The following TRAPPC3L variants were observed in gnomAD, a reference collection of about 807,000 sequenced individuals.
The protein encoded by TRAPPC3L is trafficking protein particle complex subunit 3L.
A neutral mutation model predicts 23.7 loss-of-function variants in TRAPPC3L; 23 were observed. The observed-to-expected ratio is 0.97, with a 90% CI of 0.70 to 1.37. The LOEUF is 1.37. TRAPPC3L is among the 40% of genes most tolerant of loss of function. The pLI, the probability that TRAPPC3L is intolerant of heterozygous loss-of-function variation, is 0.00. For synonymous variants in TRAPPC3L, 81 were observed against 77.9 expected (o/e 1.04, Z -0.21); for missense variants, 212 against 216.8 (o/e 0.98, Z 0.14).
At chr6:116,511,106 GTATA>G (rs59896067) in intron 3 of TRAPPC3L, among the ~76,000 whole-genome samples, 89 of 140,858 alleles carry the variant, frequency 6.3e-4, no homozygotes, top group African/African-American at 2.3e-3. Flanking sequence ...ATATATATAT[GTATA>G]TATATATATA....
intron 3 of TRAPPC3L, chr6:116,515,815 T>C: frequency 6.2e-7 from 1 of 1,613,962 alleles, no homozygotes; most frequent in Non-Finnish European, 8.5e-7. Flanking sequence ...AGAGGCCAGA[T>C]CCTTTTCCCA....
chr6:116,525,681 C>T (rs188854341), intron 3 of TRAPPC3L, among the ~76,000 whole-genome samples: 48 of 152,324 alleles, frequency 3.2e-4, no homozygotes, highest in African/African-American at 1.2e-3. Context: ...GAATTAATTA[C>T]TTCACCTAAT....
At chr6:116,510,796 A>G (rs1772100895) in intron 3 of TRAPPC3L, among the ~76,000 whole-genome samples, 1 of 152,100 alleles carries the variant, frequency 6.6e-6, no homozygotes. Context: ...AGATAAAGAA[A>G]CTGTGGTGTA....
At chr6:116,501,125 C>A (rs1180838084) in intron 3 of TRAPPC3L, among the ~76,000 whole-genome samples, 1 of 152,190 alleles carries the variant, frequency 6.6e-6, no homozygotes, top group Non-Finnish European at 1.5e-5. Context: ...AGGAACTGTA[C>A]ACTTCTGCCC....
chr6:116,522,926 G>A (rs896373847), intron 3 of TRAPPC3L: 3 of 149,304 alleles, frequency 2.0e-5, no homozygotes, highest in Non-Finnish European at 4.5e-5. Context: ...ATAACACTAA[G>A]GCAGTGGTTC....
chr6:116,531,441 G>A (rs563688287), intron 3 of TRAPPC3L, among the ~76,000 whole-genome samples: 50 of 152,158 alleles, frequency 3.3e-4, no homozygotes, highest in Middle Eastern at 6.8e-3. Flanking sequence ...GCAGAGAAGG[G>A]TTGAGTCATG....
At chr6:116,533,448 A>G (rs1395501197) in intron 3 of TRAPPC3L, among the ~76,000 whole-genome samples, 3 of 152,234 alleles carry the variant, frequency 2.0e-5, no homozygotes, top group Non-Finnish European at 4.4e-5. Context: ...ACGTGGCTTC[A>G]TTTGCCACCT....
At chr6:116,505,206 C>T (rs977555091) in intron 3 of TRAPPC3L, among the ~76,000 whole-genome samples, 8 of 152,144 alleles carry the variant, frequency 5.3e-5, no homozygotes, top group Admixed American at 6.5e-5. Flanking sequence ...AAATCACAAG[C>T]ATTCTTACAC....
At position 116,500,540 on chromosome 6, in the gene TRAPPC3L, G is replaced by A. The variant is rs760762201; in HGVS notation, c.367C>T (p.Arg123Ter). The A allele has an allele frequency of 1.5e-5, 24 of 1,551,494 alleles. No homozygotes were observed. Among genetic ancestry groups the A allele is most frequent in the African/African-American group, 9.6e-5 (7 of 73,038 alleles). ...VEFVEELPAG[R>*]SSLCYCNLLC... ...AAGTTGCAGTAGCACAGAGAAGATCGCCCAGCAGGGAGCTCTTCCACAAAC... is the reference window on the plus strand; with the variant it reads ...AAGTTGCAGTAGCACAGAGAAGATCACCCAGCAGGGAGCTCTTCCACAAAC... Residue 123 changes from arginine to a stop codon, truncating the protein, a stop_gained, in exon 4 of 5, where the codon CGA becomes TGA. Coordinates refer to ENST00000368602, the MANE Select transcript of TRAPPC3L (RefSeq NM_001139444.3). LOFTEE classifies it high-confidence loss of function.
chr6:116,495,793 T>C lies in TRAPPC3L; in HGVS notation c.*1161A>G, dbSNP rs570468771. The C allele has an allele frequency of 6.6e-6, 1 of 152,354 alleles. No homozygotes were observed. The highest frequency in any genetic ancestry group is 2.4e-5 in the African/African-American group (1 of 41,592). The allele number at this position is 152,354 out of a possible 1,614,324, so 9.4% of individuals were successfully genotyped here. On this transcript the variant is annotated 3_prime_UTR_variant, in exon 5 of 5. Transcript: ENST00000368602. ...GATGTTGAGCACCTTTTCATATACC[T>C]GTTTGCCATTTGTATGTGTATGTCT...
intron 3 of TRAPPC3L, among the ~76,000 whole-genome samples, chr6:116,507,010 AAAAT>A (rs1031202143): frequency 2.0e-5 from 3 of 152,214 alleles, no homozygotes; most frequent in Admixed American, 6.5e-5. Flanking sequence ...TTAAAGTATA[AAAAT>A]AAATAAATAA....
At chr6:116,509,216 T>C (rs929353066) in intron 3 of TRAPPC3L, among the ~76,000 whole-genome samples, 1 of 151,534 alleles carries the variant, frequency 6.6e-6, no homozygotes. Flanking sequence ...CAGGGAAATA[T>C]ATGCCATGCT....
At chr6:116,503,569 A>G (rs1034267520) in intron 3 of TRAPPC3L, among the ~76,000 whole-genome samples, 4 of 152,208 alleles carry the variant, frequency 2.6e-5, no homozygotes, top group African/African-American at 9.6e-5. Flanking sequence ...CAACAGAAAT[A>G]CATTCTTCTC....
At chr6:116,497,303 A>G (rs570127154) in intron 4 of TRAPPC3L, among the ~76,000 whole-genome samples, 1 of 152,294 alleles carries the variant, frequency 6.6e-6, no homozygotes, top group Non-Finnish European at 1.5e-5. Context: ...AACTAGGATG[A>G]CTGGGACACC....
chr6:116,505,568 C>T (rs1371831754), intron 3 of TRAPPC3L, among the ~76,000 whole-genome samples: 1 of 152,144 alleles, frequency 6.6e-6, no homozygotes, highest in Non-Finnish European at 1.5e-5. Flanking sequence ...CAAGACAATC[C>T]TAAGCAAAAA....
At chr6:116,527,649 G>T (rs1427636764) in intron 3 of TRAPPC3L, among the ~76,000 whole-genome samples, 1 of 151,886 alleles carries the variant, frequency 6.6e-6, no homozygotes, top group Non-Finnish European at 1.5e-5. Flanking sequence ...AGAGGATAGA[G>T]GTGAAGTTTT....
At chr6:116,502,588 T>C (rs1771936188) in intron 3 of TRAPPC3L, among the ~76,000 whole-genome samples, 1 of 151,886 alleles carries the variant, frequency 6.6e-6, no homozygotes, top group South Asian at 2.1e-4. Context: ...TTCACCAAGG[T>C]TGAAATGAAG....
chr6:116,536,621 T>C (rs1053974930), intron 3 of TRAPPC3L, among the ~76,000 whole-genome samples: 2 of 152,214 alleles, frequency 1.3e-5, no homozygotes, highest in African/African-American at 4.8e-5. Flanking sequence ...ATTCCTTCTC[T>C]CTCTTTCCTT....
chr6:116,527,919 A>C (rs1290712005), intron 3 of TRAPPC3L, among the ~76,000 whole-genome samples: 1 of 152,246 alleles, frequency 6.6e-6, no homozygotes, highest in Non-Finnish European at 1.5e-5. Context: ...CTATGTAAGA[A>C]GCCTGCGCGT....
Sources: gnomAD v4.1 joint callset for allele counts (sites outside exome capture counted in the v4.1 genomes callset) on GRCh38, gnomAD v4.1.1 for gene constraint, MANE v1.5 for transcripts, NCBI Gene and HGNC (gene_info 2026-07-23, HGNC 2026-07-21) for gene names.